PTER: variants seen among roughly 807,000 people sequenced by gnomAD.
PTER encodes the protein phosphotriesterase related.
In PTER, 38 loss-of-function variants were observed where a neutral mutation model predicts 29.6. The ratio of observed to expected loss-of-function variants is 1.28; its 90% CI spans 0.99 to 1.68. The LOEUF (loss-of-function observed/expected upper bound fraction) is 1.68. Ranked by LOEUF, PTER falls within the 40% of genes most tolerant of loss-of-function variation. PTER has a pLI of 0.00. For synonymous variants in PTER, 172 were observed against 154.5 expected, an observed-to-expected ratio of 1.11 and a Z score of -0.84; for missense variants, 482 against 427.8, an observed-to-expected ratio of 1.13 and a Z score of -1.12.
intron 3 of PTER, among the ~76,000 whole-genome samples, chr10:16,504,654 T>C (rs1285310175): frequency 1.3e-5 from 2 of 152,188 alleles, no homozygotes; most frequent in Non-Finnish European, 2.9e-5. Context: ...CATAGCAGTC[T>C]TTAGAGGATG....
At chr10:16,468,885 G>A (rs1404260767) in intron 1 of PTER, among the ~76,000 whole-genome samples, 1 of 152,030 alleles carries the variant, frequency 6.6e-6, no homozygotes, top group Admixed American at 6.6e-5. Flanking sequence ...TGAGGTGGGA[G>A]GATCTCTTGA....
At chr10:16,444,590 ACT>A (rs1833956693) in intron 1 of PTER, among the ~76,000 whole-genome samples, 1 of 150,412 alleles carries the variant, frequency 6.6e-6, no homozygotes, top group South Asian at 2.1e-4. Context: ...ATGGGGTCTC[ACT>A]CTGTTGCCCA....
chr10:16,466,570 G>C (rs1453911818), intron 1 of PTER, among the ~76,000 whole-genome samples: 1 of 152,152 alleles, frequency 6.6e-6, no homozygotes, highest in East Asian at 1.9e-4. Context: ...TGGCCAGGCT[G>C]GTCTCAAACT....
chr10:16,473,977 G>T (rs1564395894), intron 1 of PTER, among the ~76,000 whole-genome samples: 1 of 152,148 alleles, frequency 6.6e-6, no homozygotes. Flanking sequence ...CAGCACTTTG[G>T]GAGGCCTAGG....
At chr10:16,465,102 G>A (rs1834760105) in intron 1 of PTER, among the ~76,000 whole-genome samples, 1 of 152,106 alleles carries the variant, frequency 6.6e-6, no homozygotes, top group Non-Finnish European at 1.5e-5. Context: ...GGGAATTGTG[G>A]GAGCTACAAT....
chr10:16,471,407 A>G (rs933247767), intron 1 of PTER, among the ~76,000 whole-genome samples: 4 of 152,038 alleles, frequency 2.6e-5, no homozygotes, highest in African/African-American at 9.7e-5. Context: ...ACTCCCTTTT[A>G]CTGATTATAA....
rs182547294 is a variant in PTER, at chr10:16,449,455, G to A, written c.-49+12408G>A. ...TTTTTTTTTTTTTTTTTTTTGAGAC[G>A]GAGTCTCACTCACTCCGTCGCCCAG... is the stretch of plus-strand genomic sequence containing the variant. On this transcript the variant is annotated intron_variant, in intron 1 of 4. Coordinates refer to ENST00000535784, the MANE Select transcript of PTER (RefSeq NM_001261836.2). Among the ~76,000 whole-genome samples the A allele has an allele frequency of 7.2e-3, 793 of 110,592 alleles. 4 individuals carry two copies. The highest frequency in any genetic ancestry group is 9.8e-3 in the Non-Finnish European group (573 of 58,424). The allele number at this position is 110,592 out of a possible 152,430, so 72.6% of individuals were successfully genotyped here. A position where few individuals can be genotyped will look rare whatever the true frequency, so the allele number is the denominator to read the frequency against.
chr10:16,496,249 C>T (rs999187361), intron 3 of PTER, among the ~76,000 whole-genome samples: 1 of 152,198 alleles, frequency 6.6e-6, no homozygotes, highest in East Asian at 1.9e-4. Flanking sequence ...CCAGATCTTT[C>T]CAAAGGCAAA....
chr10:16,515,526 C>G (rs932063792), downstream of PTER, among the ~76,000 whole-genome samples: 1 of 152,142 alleles, frequency 6.6e-6, no homozygotes, highest in Non-Finnish European at 1.5e-5. Context: ...TCCACTTACA[C>G]TTAGGAGATT....
intron 1 of PTER, among the ~76,000 whole-genome samples, chr10:16,458,759 G>T (rs1300841022): frequency 6.6e-6 from 1 of 152,098 alleles, no homozygotes; most frequent in African/African-American, 2.4e-5. Flanking sequence ...CTCCAGATTT[G>T]CTCCCTCTCT....
intron 3 of PTER, chr10:16,486,824 T>C (rs546909282): frequency 3.6e-5 from 20 of 557,038 alleles, no homozygotes; most frequent in African/African-American, 3.0e-4. Context: ...TGTCAGATAG[T>C]GTCCTAGGTA....
At chr10:16,482,850 C>T (rs866509526) in intron 1 of PTER, among the ~76,000 whole-genome samples, 2 of 152,024 alleles carry the variant, frequency 1.3e-5, no homozygotes, top group African/African-American at 2.4e-5. Flanking sequence ...GGCGCGATCT[C>T]GGCTCACTGC....
chr10:16,490,279 T>C (rs1157795765), intron 3 of PTER, among the ~76,000 whole-genome samples: 2 of 152,142 alleles, frequency 1.3e-5, no homozygotes, highest in African/African-American at 4.8e-5. Context: ...TTCTAGTGAA[T>C]GTGTATTGCA....
intron 1 of PTER, among the ~76,000 whole-genome samples, chr10:16,447,170 A>C (rs1307660920): frequency 7.0e-6 from 1 of 142,152 alleles, no homozygotes; most frequent in Non-Finnish European, 1.5e-5. Context: ...GTGCCATCAT[A>C]GCTCACTGCA....
chr10:16,514,796 G>T, downstream of PTER: 1 of 937,830 alleles, frequency 1.1e-6, no homozygotes, highest in Non-Finnish European at 1.6e-6. Flanking sequence ...AAGCTGACTT[G>T]CTGCCATAGT....
intron 1 of PTER, among the ~76,000 whole-genome samples, chr10:16,470,969 A>T (rs975241576): frequency 1.3e-5 from 2 of 152,046 alleles, no homozygotes; most frequent in African/African-American, 4.8e-5. Context: ...TCCGCTGCTA[A>T]CCCCTCATAT....
chr10:16,489,410 CT>C (rs1210067720), intron 3 of PTER, among the ~76,000 whole-genome samples: 1 of 152,074 alleles, frequency 6.6e-6, no homozygotes, highest in African/African-American at 2.4e-5. Flanking sequence ...CTTTGTTTTA[CT>C]CTGATATAGT....
At chr10:16,456,236 AT>A (rs1414728522) in intron 1 of PTER, among the ~76,000 whole-genome samples, 1 of 152,172 alleles carries the variant, frequency 6.6e-6, no homozygotes, top group Non-Finnish European at 1.5e-5. Flanking sequence ...ATCCATAAAC[AT>A]TTACAGAATC....
At chr10:16,468,278 G>A (rs1452275237) in intron 1 of PTER, among the ~76,000 whole-genome samples, 1 of 152,108 alleles carries the variant, frequency 6.6e-6, no homozygotes, top group African/African-American at 2.4e-5. Context: ...GGAGGCAGAG[G>A]TTGCAGTGAG....
Sources: gnomAD v4.1 joint callset for allele counts (sites outside exome capture counted in the v4.1 genomes callset) on GRCh38, gnomAD v4.1.1 for gene constraint, MANE v1.5 for transcripts, NCBI Gene and HGNC (gene_info 2026-07-23, HGNC 2026-07-21) for gene names.